Variants in DSTYK observed in about 807,000 individuals in gnomAD.
The protein encoded by DSTYK is RIP-homologous kinase.
Under a neutral mutation model 98.7 loss-of-function variants are expected in DSTYK, and 34 were observed. The ratio of observed to expected loss-of-function variants is 0.34; its 90% CI spans 0.26 to 0.46. The LOEUF is 0.46. DSTYK is among the 20% of genes least tolerant of loss of function. The pLI, the probability that DSTYK is intolerant of heterozygous loss-of-function variation, is 1.00. For synonymous variants in DSTYK, 462 were observed against 457.3 expected, an observed-to-expected ratio of 1.01 and a Z score of -0.13; for missense variants, 962 against 1,181.7, an observed-to-expected ratio of 0.81 and a Z score of 2.73.
intron 2 of DSTYK, among the ~76,000 whole-genome samples, chr1:205,177,802 G>A (rs1383186786): frequency 2.6e-5 from 4 of 151,948 alleles, no homozygotes; most frequent in African/African-American, 9.7e-5. Flanking sequence ...AGGAGGCGGA[G>A]GTTGCAGTGA....
intron 4 of DSTYK, 28 bp downstream of exon 4, chr1:205,163,695 G>C (rs374947620): frequency 6.4e-7 from 1 of 1,569,728 alleles, no homozygotes; most frequent in Non-Finnish European, 8.7e-7. Flanking sequence ...TCTATGACAC[G>C]ATGTCTTAAA....
At chr1:205,172,751 A>G (rs921177037) in intron 2 of DSTYK, among the ~76,000 whole-genome samples, 4 of 152,210 alleles carry the variant, frequency 2.6e-5, no homozygotes, top group African/African-American at 9.6e-5. Flanking sequence ...CCTAAAGCTC[A>G]AAGTGCTTTT....
chr1:205,146,908 G>T lies in DSTYK; in HGVS notation c.*650C>A, dbSNP rs1238843124. ...TTTTTCCTCTTTTCAGGGCCTCTTG[G>T]TGATGTAACAGTGAAACCCTCCCCC... On this transcript the variant is annotated 3_prime_UTR_variant, in exon 13 of 13. Coordinates refer to ENST00000367162, the MANE Select transcript of DSTYK (RefSeq NM_015375.3). 1.3e-5 allele frequency: 2 copies of T among 150,960 alleles called. No homozygotes were observed. Among genetic ancestry groups the T allele is most frequent in the Non-Finnish European group, 3.0e-5 (2 of 67,758 alleles). The allele number at this position is 150,960 out of a possible 1,614,324, so 9.4% of individuals were successfully genotyped here.
chr1:205,162,167 C>A lies in DSTYK; in HGVS notation c.1687G>T (p.Glu563Ter). The change falls in exon 6 of 13, where the codon GAA becomes TAA. Residue 563 changes from glutamate to a stop codon, truncating the protein, a stop_gained. Transcript: ENST00000367162. LOFTEE classifies it high-confidence loss of function. ...TWVSPPAITL[E>*]WKRKVAQEAI... Reference sequence around the variant, plus strand: ...TCCTGGGCCACCTTCCTCTTCCATTCCAGAGTGATGGCAGGTGGGCTCACC... The same window carrying A: ...TCCTGGGCCACCTTCCTCTTCCATTACAGAGTGATGGCAGGTGGGCTCACC... 1.2e-6 allele frequency: 2 copies of A among 1,614,160 alleles called. No individual in the cohort carries two copies. Among genetic ancestry groups the A allele is most frequent in the Non-Finnish European group, 1.7e-6 (2 of 1,180,012 alleles).
intron 2 of DSTYK, among the ~76,000 whole-genome samples, chr1:205,184,389 C>T (rs3851286): frequency 0.92 from 139,210 of 152,100 alleles, 63,813 homozygotes; most frequent in East Asian, 1. Flanking sequence ...CTGGCCAACA[C>T]AGTGAAACTC....
Position 205,148,401 on chromosome 1 carries a change from C to T in DSTYK, c.2468-62G>A, listed in dbSNP as rs1657307811. On this transcript the variant is annotated intron_variant, in intron 11 of 12. Coordinates refer to ENST00000367162, the MANE Select transcript of DSTYK (RefSeq NM_015375.3). ...GAGAGTCAGGCAGCAGCATCTACAC[C>T]ACCTTGCCTCAGTAGAGGGTTGGCT... The T allele has an allele frequency of 1.3e-5, 21 of 1,598,936 alleles. No homozygotes were observed. The South Asian group carries it at 2.2e-4, about 17-fold the overall frequency.
chr1:205,184,106 T>C lies in DSTYK; in HGVS notation c.654+3312A>G, dbSNP rs578139486. On this transcript the variant is annotated intron_variant, in intron 2 of 12. Coordinates refer to ENST00000367162, the MANE Select transcript of DSTYK (RefSeq NM_015375.3). Reference sequence around the variant, plus strand: ...CCCATCCAAGTAGTCTCCTCAGTTGTTCCCTCTGTCTGCATGCTTAGCACA... The same window carrying C: ...CCCATCCAAGTAGTCTCCTCAGTTGCTCCCTCTGTCTGCATGCTTAGCACA... Among the ~76,000 whole-genome samples the C allele has an allele frequency of 2.6e-5, 4 of 152,204 alleles. No individual in the cohort carries two copies. The South Asian group carries it at 6.2e-4, about 24-fold the overall frequency.
chr1:205,169,304 G>A lies in DSTYK; in HGVS notation c.1183C>T (p.Arg395Ter). Reference protein sequence around the residue: ...QITPKRLEYTRKKENELYESL... With the variant: ...QITPKRLEYT ...TCATACAACTCATTCTCCTTTTTTC[G>A]AGTATATTCCAGACGTTTGGGAGTG... The change falls in exon 3 of 13, where the codon CGA becomes TGA. Residue 395 changes from arginine to a stop codon, truncating the protein, a stop_gained. Coordinates refer to ENST00000367162, the MANE Select transcript of DSTYK (RefSeq NM_015375.3). LOFTEE classifies it high-confidence loss of function. This position sits in a 1 kb window ranked among gnomAD's most constrained non-coding sequence, Gnocchi z 4.0. 4 of 1,613,574 alleles carry A rather than the reference G, an allele frequency of 2.5e-6. No individual in the cohort carries two copies. The highest frequency in any genetic ancestry group is 1.7e-5 in the Admixed American group (1 of 59,892).
chr1:205,148,166 C>T, intron 12 of DSTYK, 39 bp downstream of exon 12: 5 of 1,612,968 alleles, frequency 3.1e-6, no homozygotes, highest in Non-Finnish European at 4.2e-6. Flanking sequence ...TCTGCGCTAG[C>T]CAGGGGAGTT....
chr1:205,204,572 G>C (rs1354759039), intron 1 of DSTYK, among the ~76,000 whole-genome samples: 2 of 151,882 alleles, frequency 1.3e-5, no homozygotes, highest in African/African-American at 2.4e-5. Context: ...TTGTAAGGCA[G>C]GTATTATCAC....
chr1:205,183,094 A>G (rs2102442272), intron 2 of DSTYK, among the ~76,000 whole-genome samples: 1 of 151,540 alleles, frequency 6.6e-6, no homozygotes, highest in East Asian at 1.9e-4. Flanking sequence ...ACACACACAC[A>G]CACACACAGA....
chr1:205,150,741 C>T lies in DSTYK; in HGVS notation c.2406G>A (p.Glu802=). ...KITDLGFCKP[E]AMMSGSIVGT... is the part of the protein sequence containing the mutation. ...CCACAATGCTGCCTGACATCATGGC[C>T]TCTGGCTTGCAGAATCCTAAGTCAG... The change falls in exon 11 of 13, where the codon GAG becomes GAA. Residue 802 remains glutamate, a synonymous_variant. Coordinates refer to ENST00000367162, the MANE Select transcript of DSTYK (RefSeq NM_015375.3). This position sits in a 1 kb window ranked among gnomAD's most constrained non-coding sequence, Gnocchi z 4.1. The T allele has an allele frequency of 6.2e-7, 1 of 1,614,138 alleles. No homozygotes were observed. The highest frequency in any genetic ancestry group is 8.5e-7 in the Non-Finnish European group (1 of 1,180,024).
chr1:205,173,645 T>C (rs1574771362), intron 2 of DSTYK, among the ~76,000 whole-genome samples: 1 of 152,162 alleles, frequency 6.6e-6, no homozygotes, highest in Non-Finnish European at 1.5e-5. Context: ...TTTCAGGTTT[T>C]CCTTAAAGGA....
At chr1:205,194,427 C>T (rs960076120) in intron 1 of DSTYK, among the ~76,000 whole-genome samples, 16 of 152,186 alleles carry the variant, frequency 1.1e-4, no homozygotes, top group African/African-American at 3.6e-4. Flanking sequence ...TATACTCCTG[C>T]AGCTCATAAA....
chr1:205,194,702 C>G (rs767529182), intron 1 of DSTYK, among the ~76,000 whole-genome samples: 4 of 150,424 alleles, frequency 2.7e-5, no homozygotes, highest in Non-Finnish European at 5.9e-5. Flanking sequence ...AAGACAGAGA[C>G]AGAGCTCAAA....
chr1:205,191,500 G>A (rs1189957699), intron 1 of DSTYK, among the ~76,000 whole-genome samples: 1 of 152,194 alleles, frequency 6.6e-6, no homozygotes, highest in African/African-American at 2.4e-5. Context: ...GTAAATGGAG[G>A]GGGGTGGAGT....
At chr1:205,173,781 C>T (rs191089175) in intron 2 of DSTYK, among the ~76,000 whole-genome samples, 2 of 151,790 alleles carry the variant, frequency 1.3e-5, no homozygotes, top group South Asian at 2.1e-4. Context: ...CGCAGTGGCA[C>T]GATCTTGGCT....
chr1:205,196,663 T>C (rs1658875402), intron 1 of DSTYK, among the ~76,000 whole-genome samples: 2 of 151,090 alleles, frequency 1.3e-5, no homozygotes, highest in South Asian at 4.2e-4. Flanking sequence ...AGGGTATCAG[T>C]GAAATACAAG....
At chr1:205,197,476 A>T (rs1658901128) in intron 1 of DSTYK, among the ~76,000 whole-genome samples, 2 of 152,176 alleles carry the variant, frequency 1.3e-5, no homozygotes, top group Non-Finnish European at 2.9e-5. Context: ...TTCTCGCAAC[A>T]CTTACGTATG....
Sources: gnomAD v4.1 joint callset for allele counts (sites outside exome capture counted in the v4.1 genomes callset) on GRCh38, gnomAD v4.1.1 for gene constraint, Gnocchi (gnomAD v3.1) non-coding constraint, MANE v1.5 for transcripts, NCBI Gene and HGNC (gene_info 2026-07-23, HGNC 2026-07-21) for gene names.